TRIM28: variants seen among roughly 807,000 people sequenced by gnomAD.
TRIM28 encodes the protein tripartite motif containing 28.
A neutral mutation model predicts 87.4 loss-of-function variants in TRIM28; 8 were observed. The ratio of observed to expected loss-of-function variants is 0.09; its 90% confidence interval spans 0.05 to 0.17. TRIM28 has a LOEUF of 0.17. Ranked by LOEUF, TRIM28 falls within the 10% of genes least tolerant of loss-of-function variation. The probability of loss-of-function intolerance (pLI) is 1.00; values close to 1 mark genes in which losing one functional copy is unlikely to be tolerated. For synonymous variants in TRIM28, 601 were observed against 454.3 expected, an observed-to-expected ratio of 1.32 and a Z score of -4.11; for missense variants, 968 against 1,131.8, an observed-to-expected ratio of 0.86 and a Z score of 2.08.
rs765268189 is a variant in TRIM28, at chr19:58,549,072, A to T, written c.1494A>T (p.Thr498=). 1 of 1,613,990 alleles carries T rather than the reference A, an allele frequency of 6.2e-7. No homozygotes were observed. The highest frequency in any genetic ancestry group is 1.3e-5 in the African/African-American group (1 of 74,914). The change falls in exon 12 of 17, where the codon ACA becomes ACT. Residue 498 remains threonine, a synonymous_variant. Transcript: ENST00000253024. This position sits in a 1 kb window ranked among gnomAD's most constrained non-coding sequence, Gnocchi z 4.4. ...VSLERLDLDL[T]ADSQPPVFKV... Reference sequence around the variant, plus strand: ...TTGAACGCCTGGACCTGGACCTCACAGCTGACAGCCAGCCACCCGTCTTCA... The same window carrying T: ...TTGAACGCCTGGACCTGGACCTCACTGCTGACAGCCAGCCACCCGTCTTCA...
intron 8 of TRIM28, 27 bp from the exon 9 acceptor site, chr19:58,548,459 A>G (rs753189503): frequency 6.2e-7 from 1 of 1,613,920 alleles, no homozygotes; most frequent in Non-Finnish European, 8.5e-7. Flanking sequence ...TGCTGCACCT[A>G]CTTACGTTTC....
chr19:58,549,729 C>A lies in TRIM28; in HGVS notation c.1983-8C>A. 6.2e-7 allele frequency: 1 copy of A among 1,602,376 alleles called. No individual in the cohort carries two copies. On this transcript the variant is annotated splice_polypyrimidine_tract_variant and splice_region_variant and intron_variant, in intron 13 of 16. Coordinates refer to ENST00000253024, the MANE Select transcript of TRIM28 (RefSeq NM_005762.3). This position sits in a 1 kb window ranked among gnomAD's most constrained non-coding sequence, Gnocchi z 4.4. ...ATCATGTGCAGACCCTTATTTTCTT[C>A]ACCCTAGGGAGGAGTGGAGCTGCTC...
rs773848839 is a variant in TRIM28, at chr19:58,548,744, T to C, written c.1328T>C (p.Met443Thr). ...AGGGTTCTGCTTTGTTCACAGCCCATGGAGGTGCAGGAAGGCTATGGCTTT... is the reference window on the plus strand; with the variant it reads ...AGGGTTCTGCTTTGTTCACAGCCCACGGAGGTGCAGGAAGGCTATGGCTTT... ...SKQGSGSSQP[M>T]EVQEGYGFGS... is the part of the protein sequence containing the mutation. Residue 443 changes from methionine to threonine, a missense_variant, in exon 10 of 17, where the codon ATG becomes ACG. This residue lies in a region of TRIM28 where 119 missense variants were observed against 93.6 expected (regional missense o/e 1.27). Coordinates refer to ENST00000253024, the MANE Select transcript of TRIM28 (RefSeq NM_005762.3). The C allele has an allele frequency of 3.1e-6, 5 of 1,613,814 alleles. No homozygotes were observed. Among genetic ancestry groups the C allele is most frequent in the African/African-American group, 1.3e-5 (1 of 74,884 alleles).
intron 3 of TRIM28, chr19:58,547,089 G>A (rs891876251): frequency 1.9e-5 from 7 of 373,364 alleles, no homozygotes; most frequent in Non-Finnish European, 3.5e-5. Context: ...GGGGTGGGGT[G>A]GGGTGGTCCT....
chr19:58,547,962 C>T (rs1216913260), intron 6 of TRIM28, 56 bp downstream of exon 6: 7 of 1,613,186 alleles, frequency 4.3e-6, no homozygotes, highest in Non-Finnish European at 5.9e-6. Context: ...ATTGATGATG[C>T]TGTCTGGGGT....
chr19:58,544,751 C>G lies in TRIM28; in HGVS notation c.-7C>G. ...CTCCCCCCCTGGGCGCCCCCGGCGG[C>G]GTGTGAATGGCGGCCTCCGCGGCGG... On this transcript the variant is annotated 5_prime_UTR_variant, in exon 1 of 17. Transcript: ENST00000253024. 2 of 1,098,716 alleles carry G rather than the reference C, an allele frequency of 1.8e-6. No individual in the cohort carries two copies. Among genetic ancestry groups the G allele is most frequent in the Non-Finnish European group, 2.2e-6 (2 of 904,816 alleles). 68.1% of individuals were successfully genotyped at this position (1,098,716 alleles called of 1,614,324 possible).
chr19:58,547,187 G>A (rs1470676223), intron 3 of TRIM28, 189 bp from the exon 4 acceptor site: 1 of 646,284 alleles, frequency 1.5e-6, no homozygotes, highest in Non-Finnish European at 2.7e-6. Context: ...GCTATGTTGG[G>A]GCAGAGGATT....
Position 58,547,631 on chromosome 19 carries a change from C to G in TRIM28, c.757C>G (p.Arg253Gly). The G allele has an allele frequency of 6.2e-7, 1 of 1,614,078 alleles. No homozygotes were observed. Among genetic ancestry groups the G allele is most frequent in the Non-Finnish European group, 8.5e-7 (1 of 1,180,020 alleles). ...QFLEDAVRNQ[R>G]KLLASLVKRL... Reference sequence around the variant, plus strand: ...CTTAGAGGATGCAGTGAGGAACCAGCGCAAGCTCCTGGCCTCACTGGTGAA... The same window carrying G: ...CTTAGAGGATGCAGTGAGGAACCAGGGCAAGCTCCTGGCCTCACTGGTGAA... The change falls in exon 5 of 17, where the codon CGC becomes GGC. Residue 253 changes from arginine (R) to glycine (G), a missense_variant. This residue lies in a region of TRIM28 where 103 missense variants were observed against 139.0 expected (regional missense o/e 0.74). Transcript: ENST00000253024.
At position 58,549,568 on chromosome 19, in the gene TRIM28, C is replaced by G. The variant is rs748799378; in HGVS notation, c.1900C>G (p.Pro634Ala). 2 of 1,614,106 alleles carry G rather than the reference C, an allele frequency of 1.2e-6. No homozygotes were observed. Among genetic ancestry groups the G allele is most frequent in the Non-Finnish European group, 1.7e-6 (2 of 1,179,994 alleles). Residue 634 changes from proline (P) to alanine (A), a missense_variant, in exon 13 of 17, where the codon CCA becomes GCA. Physicochemically the swap from Pro to Ala is conservative, Grantham distance 27. This residue lies in a region of TRIM28 where 164 missense variants were observed against 146.2 expected (regional missense o/e 1.12). Coordinates refer to ENST00000253024, the MANE Select transcript of TRIM28 (RefSeq NM_005762.3). The surrounding 1 kb of genome is among the most constrained non-coding windows in gnomAD (Gnocchi z 4.4). ...CACCATTTGCCGTGTCTGCCAGAAG[C>G]CAGGCGATCTGGTTATGTGCAACCA... ...SATICRVCQKPGDLVMCNQCE... is the reference protein window; with the variant it reads ...SATICRVCQKAGDLVMCNQCE...
In TRIM28 at chr19:58,549,149, G is replaced by A. The variant is rs942707953; in HGVS notation, c.1571G>A (p.Arg524His). The change falls in exon 12 of 17, where the codon CGT becomes CAT. Residue 524 changes from arginine (R) to histidine (H), a missense_variant. Transcript: ENST00000253024. The surrounding 1 kb of genome is among the most constrained non-coding windows in gnomAD (Gnocchi z 4.4). ...GACTACAACCTTATTGTTATTGAAC[G>A]TGGCGCTGCCGCTGCAGCTACCGGC... The part of the protein sequence containing the change: ...TEDYNLIVIE[R>H]GAAAAATGQP... The A allele has an allele frequency of 1.9e-6, 3 of 1,614,080 alleles. No homozygotes were observed. The highest frequency in any genetic ancestry group is 2.5e-6 in the Non-Finnish European group (3 of 1,179,982).
Position 58,548,581 on chromosome 19 carries a change from GGCA to G in TRIM28, c.1318_1320del (p.Ser440del). ...AGGGCCCCTGAGCAAGCAGGGCTCT[GGCA>G]GCAGCCAGGTGAGCAGGAGAGAGGA... On this transcript the variant is annotated inframe_deletion, in exon 9 of 17. Coordinates refer to ENST00000253024, the MANE Select transcript of TRIM28 (RefSeq NM_005762.3). 1.2e-6 allele frequency: 2 copies of G among 1,613,548 alleles called. No individual in the cohort carries two copies. Among genetic ancestry groups the G allele is most frequent in the Middle Eastern group, 1.7e-4 (1 of 6,042 alleles).
rs200733747 is a variant in TRIM28 at position 58,545,936 on chromosome 19, A to G, written c.586+40A>G. The stretch of plus-strand genomic sequence containing the variant: ...GGGGGGCTGTTGGAGTTGTTCTCCC[A>G]TGTGTGCCCTCAGTTGCTTTTATGA... On this transcript the variant is annotated intron_variant, in intron 3 of 16. Coordinates refer to ENST00000253024, the MANE Select transcript of TRIM28 (RefSeq NM_005762.3). The G allele has an allele frequency of 2.5e-4, 396 of 1,564,454 alleles. 4 individuals carry two copies. In the South Asian group the frequency reaches 3.6e-3, roughly 14 times the overall value.
intron 3 of TRIM28, chr19:58,546,993 G>C (rs552519161): frequency 5.5e-6 from 1 of 181,156 alleles, no homozygotes; most frequent in East Asian, 1.5e-4. Flanking sequence ...GGAATCCAGG[G>C]TGGTGTGTAG....
chr19:58,546,021 C>T, intron 3 of TRIM28, 125 bp downstream of exon 3: 5 of 1,233,894 alleles, frequency 4.1e-6, no homozygotes, highest in Non-Finnish European at 2.2e-6. Context: ...CCCGAAGGGC[C>T]CGAGGGCAGA....
chr19:58,547,703 G>A lies in TRIM28; in HGVS notation c.829G>A (p.Val277Ile). 1 of 1,614,140 alleles carries A rather than the reference G, an allele frequency of 6.2e-7. No individual in the cohort carries two copies. Among genetic ancestry groups the A allele is most frequent in the Non-Finnish European group, 8.5e-7 (1 of 1,180,034 alleles). Residue 277 changes from valine to isoleucine, a missense_variant, in exon 5 of 17, where the codon GTT becomes ATT. Transcript: ENST00000253024. ...AACATTGCAGAAGAGCACCAAGGAG[G>A]TTCGCAGCTCGTAAGTGTGGGTTCT... ...HATLQKSTKE[V>I]RSSIRQVSDV...
intron 3 of TRIM28, among the ~76,000 whole-genome samples, chr19:58,546,729 T>G: frequency 6.6e-6 from 1 of 151,598 alleles, no homozygotes; most frequent in African/African-American, 2.4e-5. Context: ...ACCAGTGTGT[T>G]TGATCAGTTT....
chr19:58,545,655 C>T, intron 2 of TRIM28, 109 bp from the exon 3 acceptor site: 1 of 1,533,952 alleles, frequency 6.5e-7, no homozygotes, highest in Non-Finnish European at 8.9e-7. Context: ...GGTGGGCTGC[C>T]TAGGTTGGGT....
In TRIM28 at chr19:58,545,761, C is replaced by T; in HGVS notation, c.454-3C>T. On this transcript the variant is annotated splice_polypyrimidine_tract_variant and splice_region_variant and intron_variant, in intron 2 of 16. Transcript: ENST00000253024. ...CTTCTCTGACCCTGCCTTTGTCTGG[C>T]AGTGCTGCACTAGCTGTGAGGATAA... The T allele has an allele frequency of 5.0e-6, 8 of 1,600,626 alleles. No homozygotes were observed. Among genetic ancestry groups the T allele is most frequent in the Non-Finnish European group, 6.8e-6 (8 of 1,170,332 alleles).
At position 58,550,254 on chromosome 19, in the gene TRIM28, C is replaced by T; in HGVS notation, c.2301C>T (p.Arg767=). 6.2e-7 allele frequency: 1 copy of T among 1,614,098 alleles called. No individual in the cohort carries two copies. The highest frequency in any genetic ancestry group is 1.6e-4 in the Middle Eastern group (1 of 6,062). Residue 767 remains arginine (R), a synonymous_variant, in exon 16 of 17, where the codon CGC becomes CGT. Transcript: ENST00000253024. ...SPQEFAQDVG[R]MFKQFNKLTE... ...AGGAGTTTGCCCAGGATGTGGGCCG[C>T]ATGTTCAAGCAATTCAACAAGTTAA...
Sources: gnomAD v4.1 joint callset for allele counts (sites outside exome capture counted in the v4.1 genomes callset) on GRCh38, gnomAD v4.1.1 for gene constraint, gnomAD v4.1.1 regional missense constraint, Gnocchi (gnomAD v3.1) non-coding constraint, MANE v1.5 for transcripts, NCBI Gene and HGNC (gene_info 2026-07-23, HGNC 2026-07-21) for gene names.